The following PPP2CB variants were observed in gnomAD, a reference collection of about 807,000 sequenced individuals.
PPP2CB encodes serine/threonine-protein phosphatase 2A catalytic subunit beta isoform.
In PPP2CB, 18 loss-of-function variants were observed where a neutral mutation model predicts 39.1. That is an observed-to-expected ratio of 0.46 (90% CI 0.32 to 0.68). PPP2CB has a LOEUF of 0.68. PPP2CB is among the 30% of genes least tolerant of loss of function. The pLI is 0.04. For synonymous variants in PPP2CB, 129 were observed against 133.8 expected, an observed-to-expected ratio of 0.96 and a Z score of 0.25; for missense variants, 226 against 396.9, an observed-to-expected ratio of 0.57 and a Z score of 3.66.
rs112136247 is a variant in PPP2CB, at chr8:30,802,482, T to C, written c.103-2727A>G. 8.8e-3 allele frequency among the ~76,000 whole-genome samples: 1,342 copies of C among 152,138 alleles called. 18 individuals are homozygous for C. Among genetic ancestry groups the C allele is most frequent in the African/African-American group, 0.031 (1,267 of 41,488 alleles). On this transcript the variant is annotated intron_variant, in intron 1 of 6. Coordinates refer to ENST00000221138, the MANE Select transcript of PPP2CB (RefSeq NM_001009552.2). ...TTTCCTTGCTACCTTTCTGAGGTGC[T>C]TGCACAAATTTTCTTTGAGACAGGG...
In PPP2CB at chr8:30,799,538, A is replaced by G. The variant is rs773391858; in HGVS notation, c.312+8T>C. 12 of 1,601,426 alleles carry G rather than the reference A, an allele frequency of 7.5e-6. No individual in the cohort carries two copies. In the Middle Eastern group the frequency reaches 5.0e-4, roughly 67 times the overall value. ...CTTGAAAAAAAAATTGAATTTCAATAATCATACCTTTAATGCTACAAGAAG... is the reference window on the plus strand; with the variant it reads ...CTTGAAAAAAAAATTGAATTTCAATGATCATACCTTTAATGCTACAAGAAG... On this transcript the variant is annotated splice_region_variant and intron_variant, in intron 2 of 6. Transcript: ENST00000221138.
chr8:30,808,360 A>C (rs10091315), intron 1 of PPP2CB, among the ~76,000 whole-genome samples: 18,324 of 151,936 alleles, frequency 0.12, 1,134 homozygotes, highest in African/African-American at 0.16. Flanking sequence ...CGACCTCCCA[A>C]AGTGCTAGGA....
chr8:30,788,140 CTGTT>C (rs1409501842), intron 6 of PPP2CB, among the ~76,000 whole-genome samples: 4 of 151,942 alleles, frequency 2.6e-5, no homozygotes, highest in Non-Finnish European at 4.4e-5. Flanking sequence ...TGATTTTCTA[CTGTT>C]TGTTTATTTC....
intron 1 of PPP2CB, among the ~76,000 whole-genome samples, chr8:30,806,245 G>A (rs1237787630): frequency 6.6e-6 from 1 of 151,040 alleles, no homozygotes; most frequent in Non-Finnish European, 1.5e-5. Context: ...TAGTGGAGAC[G>A]GGGTTTCACC....
intron 5 of PPP2CB, 63 bp from the exon 6 acceptor site, chr8:30,791,378 T>A (rs918992065): frequency 3.3e-6 from 4 of 1,209,856 alleles, no homozygotes; most frequent in Non-Finnish European, 4.8e-6. Flanking sequence ...CAGACACATT[T>A]AAAAAAAACT....
intron 6 of PPP2CB, chr8:30,786,602 T>C (rs1318366844): frequency 5.9e-6 from 1 of 170,568 alleles, no homozygotes; most frequent in African/African-American, 2.4e-5. Context: ...TTAAATAATA[T>C]CAAGTTTAAA....
Position 30,791,311 on chromosome 8 carries a change from T to A in PPP2CB, c.743A>T (p.Tyr248Phe). 1 of 1,592,700 alleles carries A rather than the reference T, an allele frequency of 6.3e-7. No individual in the cohort carries two copies. The change falls in exon 6 of 7, where the codon TAC becomes TTC. Residue 248 changes from tyrosine to phenylalanine, a missense_variant. Transcript: ENST00000221138. ...CACATTCCGATCATGACACCAATTG[T>A]ATCCCTGCAGGATAAAAACAAATTC... ...SRAHQLVMEG[Y>F]NWCHDRNVVT... is the part of the protein sequence containing the mutation.
At chr8:30,791,012 G>A in intron 6 of PPP2CB, 185 bp downstream of exon 6, 1 of 514,166 alleles carries the variant, frequency 1.9e-6, no homozygotes, top group South Asian at 2.8e-5. Flanking sequence ...TATGCCCTTA[G>A]GACAATTTCC....
At chr8:30,808,047 A>G (rs1270622457) in intron 1 of PPP2CB, among the ~76,000 whole-genome samples, 1 of 152,100 alleles carries the variant, frequency 6.6e-6, no homozygotes, top group East Asian at 1.9e-4. Context: ...TTTTGCAACT[A>G]CCTCAAAATA....
At chr8:30,791,389 A>C in intron 5 of PPP2CB, 74 bp from the exon 6 acceptor site, 1 of 1,038,690 alleles carries the variant, frequency 9.6e-7, no homozygotes, top group Non-Finnish European at 1.5e-6. Context: ...AAAAAAAACT[A>C]AACTCAAAAA....
intron 6 of PPP2CB, among the ~76,000 whole-genome samples, chr8:30,788,878 A>C (rs903758591): frequency 3.3e-5 from 5 of 152,116 alleles, no homozygotes; most frequent in Admixed American, 2.6e-4. Flanking sequence ...GTGGTTGAAA[A>C]ATTGGACATT....
At chr8:30,810,087 G>C (rs1056779529) in intron 1 of PPP2CB, 1 of 152,224 alleles carries the variant, frequency 6.6e-6, no homozygotes, top group Non-Finnish European at 1.5e-5. Context: ...AGTGATCGTT[G>C]ACACTCCGGT....
At chr8:30,809,076 A>T (rs1018923042) in intron 1 of PPP2CB, among the ~76,000 whole-genome samples, 4 of 139,250 alleles carry the variant, frequency 2.9e-5, no homozygotes, top group Non-Finnish European at 6.3e-5. Flanking sequence ...CGCCCAGCTA[A>T]TTTTTTTTTT....
At chr8:30,811,925 T>G (rs1350693314) in intron 1 of PPP2CB, among the ~76,000 whole-genome samples, 3 of 152,196 alleles carry the variant, frequency 2.0e-5, no homozygotes, top group African/African-American at 7.2e-5. Flanking sequence ...GGTCTGAAAA[T>G]GGTCCTTTTC....
chr8:30,792,346 C>G (rs888587264), intron 5 of PPP2CB, among the ~76,000 whole-genome samples: 1 of 150,284 alleles, frequency 6.7e-6, no homozygotes, highest in Non-Finnish European at 1.5e-5. Flanking sequence ...CGAGCCACCA[C>G]GCCAGCTCAT....
intron 5 of PPP2CB, chr8:30,793,210 T>C (rs577636338): frequency 6.6e-6 from 1 of 152,264 alleles, no homozygotes; most frequent in South Asian, 2.1e-4. Context: ...AAGGAAAACA[T>C]CAGGCAAACC....
At chr8:30,804,276 G>C (rs753536587) in intron 1 of PPP2CB, among the ~76,000 whole-genome samples, 3 of 152,128 alleles carry the variant, frequency 2.0e-5, no homozygotes, top group Non-Finnish European at 4.4e-5. Flanking sequence ...TCGTCCCTCA[G>C]AATTTGCTAT....
chr8:30,789,579 A>T (rs1320281067), intron 6 of PPP2CB, among the ~76,000 whole-genome samples: 1 of 152,178 alleles, frequency 6.6e-6, no homozygotes, highest in Admixed American at 6.5e-5. Context: ...CAGTCCAGAG[A>T]GGGTATAACC....
intron 5 of PPP2CB, among the ~76,000 whole-genome samples, chr8:30,791,857 T>C (rs1364672817): frequency 1.3e-5 from 2 of 149,726 alleles, no homozygotes; most frequent in Non-Finnish European, 3.0e-5. Flanking sequence ...TATATACGTG[T>C]ATATATGTAT....
Sources: allele counts gnomAD v4.1 joint callset (sites outside exome capture counted in the v4.1 genomes callset), GRCh38; gene constraint gnomAD v4.1.1; transcripts MANE v1.5; gene names NCBI Gene and HGNC (gene_info 2026-07-23, HGNC 2026-07-21).